The following OR8B2 variants were observed in gnomAD, a reference collection of about 807,000 sequenced individuals.
OR8B2 encodes the protein olfactory receptor 8B2.
For missense variants in OR8B2, 304 were observed against 379.6 expected (o/e 0.80, Z 1.65); for synonymous variants, 98 against 138.2 (o/e 0.71, Z 2.04).
At chr11:124,384,880 A>G (rs1860671741), upstream of OR8B2, among the ~76,000 whole-genome samples, 1 of 152,190 alleles carries the variant, frequency 6.6e-6, no homozygotes, top group Non-Finnish European at 1.5e-5. Flanking sequence ...AAACATAAAG[A>G]TTGTCAGAAT....
At chr11:124,384,657 C>CA (rs148638764), upstream of OR8B2, among the ~76,000 whole-genome samples, 2,576 of 152,282 alleles carry the variant, frequency 0.017, 83 homozygotes, top group African/African-American at 0.059. Flanking sequence ...AGAGACATGG[C>CA]ATTTGCTCAA....
At chr11:124,385,233 G>A (rs1860679670), upstream of OR8B2, among the ~76,000 whole-genome samples, 1 of 152,142 alleles carries the variant, frequency 6.6e-6, no homozygotes, top group South Asian at 2.1e-4. Flanking sequence ...CTCATTTTAA[G>A]ACAGTATGAC....
chr11:124,390,827 C>T, the OR8B2 span, among the ~76,000 whole-genome samples: 1 of 151,826 alleles, frequency 6.6e-6, no homozygotes, highest in African/African-American at 2.4e-5. Flanking sequence ...CCTGCACCAA[C>T]ACAATTTCAT....
the OR8B2 span, among the ~76,000 whole-genome samples, chr11:124,395,069 G>A: frequency 6.6e-6 from 1 of 151,768 alleles, no homozygotes; most frequent in Non-Finnish European, 1.5e-5. Flanking sequence ...CAGCTACACA[G>A]GATGCTGAAG....
chr11:124,386,356 A>T (rs1860700277), upstream of OR8B2, among the ~76,000 whole-genome samples: 1 of 144,470 alleles, frequency 6.9e-6, no homozygotes, highest in Non-Finnish European at 1.5e-5. Context: ...TGCTGCACCC[A>T]TTAACTCCTC....
At chr11:124,387,003 G>A (rs595534), upstream of OR8B2, among the ~76,000 whole-genome samples, 1 of 152,052 alleles carries the variant, frequency 6.6e-6, no homozygotes, top group African/African-American at 2.4e-5. Context: ...TTTCTCTGAT[G>A]GCCAGTGATG....
upstream of OR8B2, among the ~76,000 whole-genome samples, chr11:124,388,503 C>G (rs1483210371): frequency 6.6e-6 from 1 of 152,142 alleles, no homozygotes; most frequent in African/African-American, 2.4e-5. Flanking sequence ...AGTTGCATTT[C>G]TAGAACAATG....
chr11:124,386,326 A>G (rs1235872959), upstream of OR8B2, among the ~76,000 whole-genome samples: 5 of 149,158 alleles, frequency 3.4e-5, 1 homozygote, highest in African/African-American at 5.0e-5. Context: ...TTACATATGT[A>G]TACATGTGCC....
chr11:124,396,279 T>G, the OR8B2 span: 1 of 859,794 alleles, frequency 1.2e-6, no homozygotes, highest in Non-Finnish European at 1.7e-6. Flanking sequence ...GATGATTTCA[T>G]AAGAGAAATG....
chr11:124,396,358 A>T, the OR8B2 span: 1 of 1,458,920 alleles, frequency 6.9e-7, no homozygotes, highest in Non-Finnish European at 9.3e-7. Context: ...CATGGAACAC[A>T]CTAATAAAAA....
chr11:124,386,342 G>T (rs1860699906), upstream of OR8B2, among the ~76,000 whole-genome samples: 1 of 145,864 alleles, frequency 6.9e-6, no homozygotes, highest in African/African-American at 2.6e-5. Flanking sequence ...GTGCCATGTT[G>T]GTGTGCTGCA....
the OR8B2 span, chr11:124,397,189 G>C: frequency 3.1e-6 from 5 of 1,611,924 alleles, no homozygotes; most frequent in East Asian, 1.1e-4. Flanking sequence ...GGTGTGTGGA[G>C]GTGAGAATTT....
chr11:124,391,208 C>T, the OR8B2 span, among the ~76,000 whole-genome samples: 1 of 151,494 alleles, frequency 6.6e-6, no homozygotes, highest in African/African-American at 2.4e-5. Flanking sequence ...ATTAAAAGAA[C>T]TAGAAAAGCA....
At position 124,382,570 on chromosome 11, in the gene OR8B2, C is replaced by T. The variant is rs1860609986; in HGVS notation, c.774G>A (p.Met258Ile). 2 of 1,613,164 alleles carry T rather than the reference C, an allele frequency of 1.2e-6. No individual in the cohort carries two copies. Among genetic ancestry groups the T allele is most frequent in the South Asian group, 2.2e-5 (2 of 90,976 alleles). Residue 258 changes from methionine to isoleucine, a missense_variant, in exon 2 of 2, where the codon ATG becomes ATA. Met to Ile is a conservative substitution (Grantham distance 10). Coordinates refer to ENST00000641451, the MANE Select transcript of OR8B2 (RefSeq NM_001005468.2). ...TAGATCCAGAAGAATATTTAATATA[C>T]ATGAATGCCGCTGACCCAAAAAACA... Reference protein sequence around the residue: ...LSLFFGSAAFMYIKYSSGSME... With the variant: ...LSLFFGSAAFIYIKYSSGSME...
chr11:124,384,055 T>C (rs1191453040), intron 1 of OR8B2, among the ~76,000 whole-genome samples: 1 of 150,076 alleles, frequency 6.7e-6, no homozygotes, highest in Non-Finnish European at 1.5e-5. Context: ...ATATTAGTTG[T>C]TAAGTTTGTA....
the OR8B2 span, among the ~76,000 whole-genome samples, chr11:124,389,983 C>T: frequency 5.2e-4 from 79 of 152,174 alleles, no homozygotes; most frequent in South Asian, 2.9e-3. Flanking sequence ...TCCCAGAACT[C>T]GTGGAAAAAT....
chr11:124,393,898 A>C, the OR8B2 span, among the ~76,000 whole-genome samples: 33 of 150,414 alleles, frequency 2.2e-4, no homozygotes, highest in South Asian at 1.3e-3. Context: ...AATGTGGCAC[A>C]TGTACACCAT....
At chr11:124,391,561 C>T in the OR8B2 span, among the ~76,000 whole-genome samples, 8 of 152,168 alleles carry the variant, frequency 5.3e-5, no homozygotes, top group South Asian at 1.2e-3. Context: ...CAAGACTAAA[C>T]CAGGAAGAAG....
the OR8B2 span, chr11:124,397,204 C>G: frequency 1.4e-5 from 23 of 1,609,912 alleles, no homozygotes; most frequent in Non-Finnish European, 1.9e-5. Context: ...GAATTTAGAC[C>G]GAAAAGAATG....
Sources: gnomAD v4.1 joint callset for allele counts (sites outside exome capture counted in the v4.1 genomes callset) on GRCh38, gnomAD v4.1.1 for gene constraint, MANE v1.5 for transcripts, NCBI Gene and HGNC (gene_info 2026-07-23, HGNC 2026-07-21) for gene names.